GFOD1: variants seen among roughly 807,000 people sequenced by gnomAD.
GFOD1 encodes glucose-fructose oxidoreductase domain-containing protein 1.
GFOD1 carries 9 observed loss-of-function variants against 25.4 expected under a neutral mutation model. That is an observed-to-expected ratio of 0.35 (90% CI 0.21 to 0.62). The LOEUF (loss-of-function observed/expected upper bound fraction) is 0.62. GFOD1 is among the 20% of genes least tolerant of loss of function. The pLI is 0.72. For synonymous variants in GFOD1, 253 were observed against 245.6 expected, an observed-to-expected ratio of 1.03 and a Z score of -0.28; for missense variants, 403 against 556.9, an observed-to-expected ratio of 0.72 and a Z score of 2.78.
chr6:13,359,737 A>G lies in GFOD1; in HGVS notation c.*5006T>C, dbSNP rs996417828. ...GTCAAGGCGGGCGGATCACAAGGTC[A>G]GGAGTTCAAGACCAGCCTGACCAAT... is the stretch of plus-strand genomic sequence containing the variant. On this transcript the variant is annotated 3_prime_UTR_variant, in exon 2 of 2. Transcript: ENST00000379287. The G allele has an allele frequency of 6.6e-6, 1 of 152,172 alleles. No homozygotes were observed. The highest frequency in any genetic ancestry group is 1.5e-5 in the Non-Finnish European group (1 of 68,030). The allele number at this position is 152,172 out of a possible 1,614,324, so 9.4% of individuals were successfully genotyped here.
intron 1 of GFOD1, among the ~76,000 whole-genome samples, chr6:13,438,293 A>C (rs1041743159): frequency 6.6e-6 from 1 of 152,226 alleles, no homozygotes; most frequent in South Asian, 2.1e-4. Context: ...GTGTTTACAT[A>C]AGAATGAAGA....
rs528268148 is a variant in GFOD1 at position 13,368,137 on chromosome 6, G to A, written c.254-2475C>T. Among the ~76,000 whole-genome samples, 17 of 152,360 alleles carry A rather than the reference G, an allele frequency of 1.1e-4. No individual in the cohort carries two copies. In the South Asian group the frequency reaches 3.5e-3, roughly 32 times the overall value. ...TCTCATTTTCCCAGTGGAAGAGCTA[G>A]CCAAATCCTAGAACTGGTCGGTACA... On this transcript the variant is annotated intron_variant, in intron 1 of 1. Coordinates refer to ENST00000379287, the MANE Select transcript of GFOD1 (RefSeq NM_018988.4).
intron 1 of GFOD1, among the ~76,000 whole-genome samples, chr6:13,372,479 C>T (rs1263035831): frequency 6.6e-6 from 1 of 152,224 alleles, no homozygotes; most frequent in Admixed American, 6.5e-5. Flanking sequence ...ATCCTCCAAG[C>T]TCAGGGTCTC....
At chr6:13,446,053 C>G (rs1268997375) in intron 1 of GFOD1, among the ~76,000 whole-genome samples, 1 of 152,224 alleles carries the variant, frequency 6.6e-6, no homozygotes, top group East Asian at 1.9e-4. Flanking sequence ...CAAAAATAGA[C>G]TAGCAGAGGG....
chr6:13,446,952 A>G (rs749821631), intron 1 of GFOD1, among the ~76,000 whole-genome samples: 2 of 152,204 alleles, frequency 1.3e-5, no homozygotes, highest in Admixed American at 6.5e-5. Flanking sequence ...CTAAGTAACA[A>G]TAAGTATTGG....
intron 1 of GFOD1, among the ~76,000 whole-genome samples, chr6:13,374,273 T>TTTTGTGTG (rs1554199406): frequency 0.011 from 1,512 of 134,324 alleles, 28 homozygotes; most frequent in African/African-American, 0.04. Flanking sequence ...TGTTTTTTTT[T>TTTTGTGTG]TGTGTGTGTG....
At chr6:13,419,179 C>T (rs1288415235) in intron 1 of GFOD1, among the ~76,000 whole-genome samples, 1 of 152,150 alleles carries the variant, frequency 6.6e-6, no homozygotes, top group Non-Finnish European at 1.5e-5. Context: ...AAGATTCATG[C>T]CCATTTGAGA....
In GFOD1 at chr6:13,477,162, TCC is replaced by T. The variant is rs1345765770; in HGVS notation, c.253+9474_253+9475del. On this transcript the variant is annotated intron_variant, in intron 1 of 1. Transcript: ENST00000379287. Reference sequence around the variant, plus strand: ...AGCTTGCCTAGCCAGGTGGCCTTGATCCAGGCAAAATCTGTATTAGTCAGGGT... The same window carrying T: ...AGCTTGCCTAGCCAGGTGGCCTTGATAGGCAAAATCTGTATTAGTCAGGGT... Among the ~76,000 whole-genome samples the T allele has an allele frequency of 1.3e-4, 19 of 150,938 alleles. 1 individual carries two copies. Among genetic ancestry groups the T allele is most frequent in the Admixed American group, 2.0e-4 (3 of 15,084 alleles).
At chr6:13,380,770 T>A (rs1785348648) in intron 1 of GFOD1, among the ~76,000 whole-genome samples, 1 of 152,186 alleles carries the variant, frequency 6.6e-6, no homozygotes, top group Non-Finnish European at 1.5e-5. Flanking sequence ...CAAGCTGATA[T>A]TTTCATAGGT....
Position 13,486,915 on chromosome 6 carries a change from G to C in GFOD1, c.-25C>G, listed in dbSNP as rs748619864. The C allele has an allele frequency of 3.1e-6, 5 of 1,599,444 alleles. No individual in the cohort carries two copies. Among genetic ancestry groups the C allele is most frequent in the Non-Finnish European group, 4.2e-6 (5 of 1,177,442 alleles). ...TGGCTGCTCAGAGCCGCCTGGTTCT[G>C]CTTCTGCTCGGATCTCCAGTCCAAC... On this transcript the variant is annotated 5_prime_UTR_variant, in exon 1 of 2. Transcript: ENST00000379287.
chr6:13,449,361 G>A (rs1343807468), intron 1 of GFOD1, among the ~76,000 whole-genome samples: 2 of 152,196 alleles, frequency 1.3e-5, no homozygotes, highest in African/African-American at 4.8e-5. Flanking sequence ...AAGCATGACA[G>A]TGCATACTCT....
chr6:13,412,219 G>A (rs556088215), intron 1 of GFOD1, among the ~76,000 whole-genome samples: 20 of 152,296 alleles, frequency 1.3e-4, no homozygotes, highest in African/African-American at 4.8e-4. Flanking sequence ...TTGGAGACAC[G>A]TTCTTTATGG....
intron 1 of GFOD1, among the ~76,000 whole-genome samples, chr6:13,443,149 GTGA>G (rs1757943739): frequency 6.6e-6 from 1 of 152,232 alleles, no homozygotes; most frequent in Non-Finnish European, 1.5e-5. Flanking sequence ...CACTGCAGAT[GTGA>G]TGGAAATAGC....
chr6:13,387,182 T>A (rs1785491695), intron 1 of GFOD1, among the ~76,000 whole-genome samples: 1 of 152,154 alleles, frequency 6.6e-6, no homozygotes. Flanking sequence ...TATTAATACT[T>A]CTCAGAGCCA....
At position 13,360,394 on chromosome 6, in the gene GFOD1, A is replaced by T. The variant is rs904945979; in HGVS notation, c.*4349T>A. Reference sequence around the variant, plus strand: ...GCTGTGGCTATGAGACAAGATGAAGAGAGTAGGGGTGCAAAGAAAGGTGCA... The same window carrying T: ...GCTGTGGCTATGAGACAAGATGAAGTGAGTAGGGGTGCAAAGAAAGGTGCA... On this transcript the variant is annotated 3_prime_UTR_variant, in exon 2 of 2. Transcript: ENST00000379287. 4 of 304,166 alleles carry T rather than the reference A, an allele frequency of 1.3e-5. No individual in the cohort carries two copies. The highest frequency in any genetic ancestry group is 8.8e-5 in the African/African-American group (4 of 45,344). 18.8% of individuals were successfully genotyped at this position (304,166 alleles called of 1,614,324 possible).
At chr6:13,433,007 C>T (rs1199461573) in intron 1 of GFOD1, among the ~76,000 whole-genome samples, 1 of 152,164 alleles carries the variant, frequency 6.6e-6, no homozygotes, top group Non-Finnish European at 1.5e-5. Flanking sequence ...TAGAAACATC[C>T]AACATTTACT....
At chr6:13,469,282 C>T (rs1166586266) in intron 1 of GFOD1, 3 of 985,122 alleles carry the variant, frequency 3.0e-6, no homozygotes, top group East Asian at 1.1e-4. Context: ...ATATCTTATC[C>T]ATACAAGAGT....
Position 13,364,625 on chromosome 6 carries a change from A to C in GFOD1, c.*118T>G. 1.2e-6 allele frequency: 1 copy of C among 841,434 alleles called. No individual in the cohort carries two copies. The highest frequency in any genetic ancestry group is 1.8e-6 in the Non-Finnish European group (1 of 550,022). 52.1% of individuals were successfully genotyped at this position (841,434 alleles called of 1,614,324 possible). A position where few individuals can be genotyped will look rare whatever the true frequency, so the allele number is the denominator to read the frequency against. On this transcript the variant is annotated 3_prime_UTR_variant, in exon 2 of 2. Coordinates refer to ENST00000379287, the MANE Select transcript of GFOD1 (RefSeq NM_018988.4). This position sits in a 1 kb window ranked among gnomAD's most constrained non-coding sequence, Gnocchi z 4.1. Reference sequence around the variant, plus strand: ...ACCTTCCTAGATGCCATTTATTCACACTGTCCCTCCACCTCCCTGATCCCC... The same window carrying C: ...ACCTTCCTAGATGCCATTTATTCACCCTGTCCCTCCACCTCCCTGATCCCC...
At chr6:13,469,891 G>T in intron 1 of GFOD1, 1 of 1,272,088 alleles carries the variant, frequency 7.9e-7, no homozygotes. Context: ...ACCAAATCTG[G>T]CACATGGTAA....
Sources: gnomAD v4.1 joint callset for allele counts (sites outside exome capture counted in the v4.1 genomes callset) on GRCh38, gnomAD v4.1.1 for gene constraint, Gnocchi (gnomAD v3.1) non-coding constraint, MANE v1.5 for transcripts, NCBI Gene and HGNC (gene_info 2026-07-23, HGNC 2026-07-21) for gene names.